Variants in STIM2 observed in about 807,000 individuals in gnomAD.
STIM2 encodes stromal interaction molecule 2.
A neutral mutation model predicts 85.8 loss-of-function variants in STIM2; 31 were observed. The observed-to-expected ratio is 0.36, with a 90% CI of 0.27 to 0.49. STIM2 has a LOEUF of 0.49. STIM2 is among the 20% of genes least tolerant of loss of function. The pLI is 0.98. For synonymous variants in STIM2, 356 were observed against 331.1 expected (o/e 1.08, Z -0.82); for missense variants, 841 against 927.6 (o/e 0.91, Z 1.21).
At position 26,968,615 on chromosome 4, in the gene STIM2, C is replaced by T. The variant is rs116190487; in HGVS notation, c.397+10889C>T. Among the ~76,000 whole-genome samples the T allele has an allele frequency of 2.4e-3, 367 of 152,128 alleles. 2 individuals carry two copies. Among genetic ancestry groups the T allele is most frequent in the Non-Finnish European group, 4.6e-3 (314 of 67,986 alleles). The stretch of plus-strand genomic sequence containing the variant: ...GAGATGGATTGTGATGATGGTTGCA[C>T]AACAATATGAATATACTTCATACCA... On this transcript the variant is annotated intron_variant, in intron 3 of 11. Transcript: ENST00000467087.
At chr4:26,885,791 T>C (rs1723195480) in intron 1 of STIM2, among the ~76,000 whole-genome samples, 1 of 133,266 alleles carries the variant, frequency 7.5e-6, no homozygotes, top group Non-Finnish European at 1.6e-5. Flanking sequence ...AGTTGTATTA[T>C]GAGAATGAAG....
intron 3 of STIM2, among the ~76,000 whole-genome samples, chr4:26,983,910 C>T (rs1049810212): frequency 9.2e-5 from 14 of 152,144 alleles, no homozygotes; most frequent in South Asian, 6.2e-4. Context: ...TTCCAAGTTG[C>T]CTACAGAAAA....
intron 3 of STIM2, among the ~76,000 whole-genome samples, chr4:26,975,956 G>C (rs1236095530): frequency 6.6e-6 from 1 of 152,172 alleles, no homozygotes; most frequent in Non-Finnish European, 1.5e-5. Context: ...CTCAGCAATG[G>C]CACACACCCC....
At chr4:27,020,583 T>C (rs1728876897) in intron 11 of STIM2, among the ~76,000 whole-genome samples, 1 of 152,192 alleles carries the variant, frequency 6.6e-6, no homozygotes, top group Non-Finnish European at 1.5e-5. Flanking sequence ...TAGACATATG[T>C]GAGTAAAGTA....
intron 1 of STIM2, among the ~76,000 whole-genome samples, chr4:26,885,837 A>ATATATATG (rs1723204406): frequency 3.4e-5 from 1 of 29,650 alleles, no homozygotes; most frequent in African/African-American, 1.7e-4. Flanking sequence ...ATATATATAT[A>ATATATATG]TATATATATA....
chr4:26,901,372 A>G (rs932582528), intron 1 of STIM2, among the ~76,000 whole-genome samples: 6 of 152,174 alleles, frequency 3.9e-5, no homozygotes, highest in Non-Finnish European at 7.3e-5. Context: ...GATTCAATAA[A>G]CATATTAAAT....
intron 1 of STIM2, among the ~76,000 whole-genome samples, chr4:26,886,082 A>G (rs190235047): frequency 6.6e-6 from 1 of 152,050 alleles, no homozygotes; most frequent in Non-Finnish European, 1.5e-5. Flanking sequence ...TTTGAGGTTC[A>G]GTGGAACAGA....
chr4:26,970,611 A>C (rs982901306), intron 3 of STIM2, among the ~76,000 whole-genome samples: 1 of 152,122 alleles, frequency 6.6e-6, no homozygotes, highest in African/African-American at 2.4e-5. Flanking sequence ...TCCATGGTGT[A>C]TATGTGCCAC....
chr4:26,894,681 CTCACAGTGTTTTTAAG>C (rs1723628365), intron 1 of STIM2, among the ~76,000 whole-genome samples: 1 of 152,090 alleles, frequency 6.6e-6, no homozygotes, highest in Admixed American at 6.6e-5. Context: ...TTTGACAATA[CTCACAGTGTTTTTAAG>C]TCACTGTCAT....
At chr4:26,977,950 T>G (rs182308615) in intron 3 of STIM2, among the ~76,000 whole-genome samples, 1 of 152,224 alleles carries the variant, frequency 6.6e-6, no homozygotes, top group East Asian at 1.9e-4. Flanking sequence ...GAAAGCATTT[T>G]AAGAAAAAGC....
intron 2 of STIM2, among the ~76,000 whole-genome samples, chr4:26,928,913 G>A (rs1021691280): frequency 1.3e-5 from 2 of 152,114 alleles, no homozygotes; most frequent in Admixed American, 1.3e-4. Context: ...ATATCTTTCT[G>A]TATTTCTCTT....
chr4:26,967,820 C>T (rs1486443070), intron 3 of STIM2, among the ~76,000 whole-genome samples: 11 of 152,116 alleles, frequency 7.2e-5, no homozygotes, highest in African/African-American at 2.4e-4. Flanking sequence ...CCTCTTCCCC[C>T]TCCCCCCTCC....
intron 11 of STIM2, chr4:27,019,398 A>G: frequency 2.3e-6 from 3 of 1,287,436 alleles, no homozygotes; most frequent in Non-Finnish European, 3.0e-6. Flanking sequence ...CTGTCTTTGC[A>G]GTATGATCAT....
chr4:27,014,809 G>A (rs1728681228), intron 10 of STIM2, among the ~76,000 whole-genome samples: 1 of 151,830 alleles, frequency 6.6e-6, no homozygotes, highest in South Asian at 2.1e-4. Context: ...TTACAATTCT[G>A]CCCATTTCTG....
At chr4:26,979,605 G>A (rs1379222453) in intron 3 of STIM2, among the ~76,000 whole-genome samples, 1 of 152,032 alleles carries the variant, frequency 6.6e-6, no homozygotes. Flanking sequence ...AATTTAGAGG[G>A]TATATTTAAG....
chr4:26,981,649 C>T (rs2109113910), intron 3 of STIM2, among the ~76,000 whole-genome samples: 1 of 152,278 alleles, frequency 6.6e-6, no homozygotes, highest in African/African-American at 2.4e-5. Flanking sequence ...TCCTATCTCT[C>T]TAGTTGTCTT....
intron 1 of STIM2, among the ~76,000 whole-genome samples, chr4:26,894,207 A>G (rs548231082): frequency 1.3e-5 from 2 of 152,136 alleles, no homozygotes; most frequent in South Asian, 2.1e-4. Flanking sequence ...TATTTCTGTT[A>G]TATTTGATCA....
chr4:27,020,814 A>G (rs990471109), intron 11 of STIM2, among the ~76,000 whole-genome samples: 14 of 152,212 alleles, frequency 9.2e-5, no homozygotes, highest in African/African-American at 2.9e-4. Flanking sequence ...TGCCTATAAC[A>G]TGAGCTGCCA....
chr4:26,962,566 G>C, intron 3 of STIM2, among the ~76,000 whole-genome samples: 1 of 20,856 alleles, frequency 4.8e-5, no homozygotes, highest in South Asian at 3.0e-3. Flanking sequence ...TGCAGTGTGT[G>C]TGTGTGTGTG....
Sources: allele counts gnomAD v4.1 joint callset (sites outside exome capture counted in the v4.1 genomes callset), GRCh38; gene constraint gnomAD v4.1.1; transcripts MANE v1.5; gene names NCBI Gene and HGNC (gene_info 2026-07-23, HGNC 2026-07-21).